Variants in PIGK observed in about 807,000 individuals in gnomAD.
PIGK encodes phosphatidylinositol glycan anchor biosynthesis class K, also known as GPI-anchor transamidase.
PIGK carries 42 observed loss-of-function variants against 50.6 expected under a neutral mutation model. That is an observed-to-expected ratio of 0.83 (90% confidence interval 0.65 to 1.07). PIGK has a LOEUF of 1.07. Ranked by LOEUF, PIGK falls within the 50% of genes least tolerant of loss-of-function variation. PIGK has a pLI of 0.00. For missense variants in PIGK, 448 were observed against 488.7 expected, an observed-to-expected ratio of 0.92 and a Z score of 0.78; for synonymous variants, 151 against 156.0, an observed-to-expected ratio of 0.97 and a Z score of 0.24.
intron 1 of PIGK, among the ~76,000 whole-genome samples, chr1:77,213,254 T>C (rs1048818963): frequency 2.0e-5 from 3 of 152,172 alleles, no homozygotes; most frequent in Non-Finnish European, 4.4e-5. Context: ...CAATGGCAGA[T>C]TACACATTCT....
intron 3 of PIGK, among the ~76,000 whole-genome samples, chr1:77,193,245 A>ATGTGTGTG (rs56987496): frequency 0.038 from 5,481 of 144,798 alleles, 146 homozygotes; most frequent in South Asian, 0.073. Flanking sequence ...TGGCATGAGA[A>ATGTGTGTG]TGTGTGTGTG....
At chr1:77,173,904 T>C (rs1655421789) in intron 3 of PIGK, among the ~76,000 whole-genome samples, 1 of 152,224 alleles carries the variant, frequency 6.6e-6, no homozygotes, top group Non-Finnish European at 1.5e-5. Flanking sequence ...GTACTTTCTC[T>C]TAGTCTCCAC....
At chr1:77,208,129 C>T (rs983034893) in intron 2 of PIGK, among the ~76,000 whole-genome samples, 9 of 151,844 alleles carry the variant, frequency 5.9e-5, no homozygotes, top group East Asian at 3.9e-4. Context: ...GGGAAGCTGA[C>T]GTGGGAGGAT....
chr1:77,129,001 A>G (rs1654293112), intron 9 of PIGK: 3 of 683,642 alleles, frequency 4.4e-6, no homozygotes, highest in Admixed American at 4.4e-5. Context: ...GTGTTGCACT[A>G]TAACAGCAGA....
intron 3 of PIGK, among the ~76,000 whole-genome samples, chr1:77,190,819 C>T (rs1259494006): frequency 1.3e-5 from 2 of 152,184 alleles, no homozygotes; most frequent in African/African-American, 4.8e-5. Context: ...TCTTTTCAGC[C>T]ACCAGGACTG....
chr1:77,139,956 GTGTTCTTT>G (rs1287081940), intron 9 of PIGK, among the ~76,000 whole-genome samples: 3 of 152,024 alleles, frequency 2.0e-5, no homozygotes, highest in Admixed American at 1.3e-4. Flanking sequence ...ATATTACAGG[GTGTTCTTT>G]TATTGAGAAA....
chr1:77,171,335 G>A (rs1655355621), intron 3 of PIGK, among the ~76,000 whole-genome samples: 2 of 148,400 alleles, frequency 1.3e-5, no homozygotes. Flanking sequence ...TACTCCAGAG[G>A]CTGAGGCAGG....
chr1:77,190,172 G>A (rs1297047985), intron 3 of PIGK, among the ~76,000 whole-genome samples: 1 of 151,966 alleles, frequency 6.6e-6, no homozygotes, highest in East Asian at 1.9e-4. Context: ...AGGATCGTTT[G>A]AGGCCAGGAG....
intron 1 of PIGK, among the ~76,000 whole-genome samples, chr1:77,213,959 A>G (rs1219869008): frequency 6.6e-6 from 1 of 152,218 alleles, no homozygotes; most frequent in African/African-American, 2.4e-5. Context: ...TCCTGAACAC[A>G]TACAAGCTAC....
chr1:77,172,496 T>C (rs185666008), intron 3 of PIGK, among the ~76,000 whole-genome samples: 1 of 152,342 alleles, frequency 6.6e-6, no homozygotes, highest in East Asian at 1.9e-4. Context: ...GCAACTGACC[T>C]GGGTGCAGGA....
chr1:77,139,687 C>T (rs1024812708), intron 9 of PIGK, among the ~76,000 whole-genome samples: 31 of 152,268 alleles, frequency 2.0e-4, no homozygotes, highest in African/African-American at 7.5e-4. Context: ...GCCAGCAATG[C>T]TATTCATCAA....
rs1207053105 is a variant in PIGK at position 77,154,486 on chromosome 1, T to C, written c.949A>G (p.Ile317Val). Residue 317 changes from isoleucine (I) to valine (V), a missense_variant, in exon 9 of 11, where the codon ATT becomes GTT. Ile to Val is a conservative substitution (Grantham distance 29, BLOSUM62 3). Coordinates refer to ENST00000370812, the MANE Select transcript of PIGK (RefSeq NM_005482.3). ...VRKVEITTET[I>V]KLQQDSEIME... ...ATTTCTGAATCCTGTTGCAATTTAA[T>C]AGTCTCTGTTGTAATTTCCACTTTC... 6.8e-6 allele frequency: 11 copies of C among 1,611,596 alleles called. No homozygotes were observed. The highest frequency in any genetic ancestry group is 9.3e-6 in the Non-Finnish European group (11 of 1,178,376).
intron 3 of PIGK, among the ~76,000 whole-genome samples, chr1:77,206,088 A>T (rs1448212449): frequency 6.6e-6 from 1 of 152,190 alleles, no homozygotes; most frequent in African/African-American, 2.4e-5. Flanking sequence ...AGCAGGAGGC[A>T]ATAGCAACAT....
rs535224925 is a variant in PIGK at position 77,195,456 on chromosome 1, A to C, written c.239+11184T>G. On this transcript the variant is annotated intron_variant, in intron 3 of 10. Coordinates refer to ENST00000370812, the MANE Select transcript of PIGK (RefSeq NM_005482.3). The stretch of plus-strand genomic sequence containing the variant: ...ACAGGAATCTTTTGGTCAATAAAAT[A>C]GTTTGACTCAGAAAAAAAGAAAAGA... The C allele has an allele frequency of 6.6e-6, 6 of 903,840 alleles. No individual in the cohort carries two copies. In the Admixed American group the frequency reaches 9.8e-5, roughly 15 times the overall value. The allele number at this position is 903,840 out of a possible 1,614,324, so 56.0% of individuals were successfully genotyped here.
intron 3 of PIGK, among the ~76,000 whole-genome samples, chr1:77,199,560 C>T (rs1207127969): frequency 6.6e-6 from 1 of 151,490 alleles, no homozygotes; most frequent in African/African-American, 2.4e-5. Context: ...ATATGATTAT[C>T]AATATATTAA....
intron 9 of PIGK, among the ~76,000 whole-genome samples, chr1:77,148,660 G>A (rs572285747): frequency 1.3e-5 from 2 of 151,612 alleles, no homozygotes; most frequent in Non-Finnish European, 2.9e-5. Context: ...TGGTTTGTTT[G>A]TTTGCTTCTT....
At position 77,154,604 on chromosome 1, in the gene PIGK, T is replaced by C; in HGVS notation, c.831A>G (p.Lys277=). 6.2e-7 allele frequency: 1 copy of C among 1,611,028 alleles called. No homozygotes were observed. ...NMNDLFQVCP[K]SLCVSTPGHR... ...GTCCAGGAGTAGACACACACAGACT[T>C]TTGGGACATACCTGAAACTGAAAAA... The change falls in exon 9 of 11, where the codon AAA becomes AAG. Residue 277 remains lysine (K), a synonymous_variant. Transcript: ENST00000370812.
chr1:77,137,427 C>A (rs1346469999), intron 9 of PIGK, among the ~76,000 whole-genome samples: 1 of 152,112 alleles, frequency 6.6e-6, no homozygotes, highest in Non-Finnish European at 1.5e-5. Context: ...AATAATATGT[C>A]TATTATTTAA....
chr1:77,177,672 T>C (rs1655518173), intron 3 of PIGK, among the ~76,000 whole-genome samples: 1 of 152,200 alleles, frequency 6.6e-6, no homozygotes, highest in South Asian at 2.1e-4. Flanking sequence ...TATATTTCTG[T>C]GTGTGTGCCT....
Sources: gnomAD v4.1 joint callset for allele counts (sites outside exome capture counted in the v4.1 genomes callset) on GRCh38, gnomAD v4.1.1 for gene constraint, MANE v1.5 for transcripts, NCBI Gene and HGNC (gene_info 2026-07-23, HGNC 2026-07-21) for gene names.